The following PIEZO1 variants were observed in gnomAD, a reference collection of about 807,000 sequenced individuals.
PIEZO1 encodes the protein piezo-type mechanosensitive ion channel component 1.
In PIEZO1, 296 loss-of-function variants were observed where a neutral mutation model predicts 297.2. That is an observed-to-expected ratio of 1.00 (90% CI 0.91 to 1.10). PIEZO1 has a LOEUF of 1.10. PIEZO1 is among the 50% of genes least tolerant of loss of function. PIEZO1 has a pLI of 0.00. For missense variants in PIEZO1, 5,018 were observed against 3,455.5 expected, an observed-to-expected ratio of 1.45 and a Z score of -11.34; for synonymous variants, 2,427 against 1,507.5, an observed-to-expected ratio of 1.61 and a Z score of -14.13.
At chr16:88,781,313 C>A (rs1907926037) in intron 1 of PIEZO1, among the ~76,000 whole-genome samples, 1 of 152,242 alleles carries the variant, frequency 6.6e-6, no homozygotes, top group African/African-American at 2.4e-5. Context: ...CTCTGTGGGA[C>A]CCTGGCAGCT....
intron 1 of PIEZO1, among the ~76,000 whole-genome samples, chr16:88,776,710 A>C (rs960549002): frequency 6.6e-6 from 1 of 152,220 alleles, no homozygotes; most frequent in Non-Finnish European, 1.5e-5. Flanking sequence ...GAGTGACCGC[A>C]GAAGGGCCAG....
chr16:88,778,531 G>A (rs1015422511), intron 1 of PIEZO1, among the ~76,000 whole-genome samples: 1 of 152,188 alleles, frequency 6.6e-6, no homozygotes, highest in Non-Finnish European at 1.5e-5. Flanking sequence ...AGGTTCCTGA[G>A]ACAACGGCGG....
intron 1 of PIEZO1, among the ~76,000 whole-genome samples, chr16:88,770,723 A>C (rs1907386043): frequency 6.6e-6 from 1 of 152,160 alleles, no homozygotes; most frequent in African/African-American, 2.4e-5. Context: ...AGCCGCACCA[A>C]GTCACCCTGA....
Position 88,737,712 on chromosome 16 carries a change from C to T in PIEZO1, c.1107+16G>A. On this transcript the variant is annotated intron_variant, in intron 9 of 50. Coordinates refer to ENST00000301015, the MANE Select transcript of PIEZO1 (RefSeq NM_001142864.4). ...GCGCCCCCCACGCTGGCGTCTCCAC[C>T]TGCCTGGCTGCTCACCTGGTCAGAC... 3.9e-6 allele frequency: 6 copies of T among 1,535,200 alleles called. 1 individual carries two copies. The South Asian group carries it at 4.8e-5, about 12-fold the overall frequency.
intron 8 of PIEZO1, 59 bp from the exon 9 acceptor site, chr16:88,737,873 G>A (rs1274750154): frequency 1.5e-5 from 23 of 1,532,384 alleles, no homozygotes; most frequent in Non-Finnish European, 2.0e-5. Flanking sequence ...GAGGCAGGAG[G>A]TCCTGAGACC....
At chr16:88,749,028 G>A (rs541061418) in intron 2 of PIEZO1, among the ~76,000 whole-genome samples, 23 of 151,070 alleles carry the variant, frequency 1.5e-4, no homozygotes, top group African/African-American at 5.1e-4. Context: ...ACAAGGTCAG[G>A]AGATCGAGAC....
Position 88,738,572 on chromosome 16 carries a change from C to A in PIEZO1, c.630G>T (p.Leu210=). ...GCCCCCTGCCTCGGTGCGTACCTGC[C>A]AGTGCAAGCAGTGTTACGGCCAGGA... The part of the protein sequence containing the change: ...GRVLAVTLLA[L]AGIAHPSALS... Residue 210 remains leucine, a synonymous_variant, in exon 6 of 51, where the codon CTG becomes CTT. Transcript: ENST00000301015. The A allele has an allele frequency of 6.5e-7, 1 of 1,535,108 alleles. No homozygotes were observed. Among genetic ancestry groups the A allele is most frequent in the South Asian group, 1.2e-5 (1 of 83,994 alleles).
chr16:88,756,993 G>A (rs901857120), intron 1 of PIEZO1, among the ~76,000 whole-genome samples: 36 of 151,252 alleles, frequency 2.4e-4, no homozygotes, highest in South Asian at 8.4e-4. Context: ...GGAGAATGGC[G>A]TGAACCCAGG....
Position 88,719,884 on chromosome 16 carries a change from T to C in PIEZO1, c.6241A>G (p.Ile2081Val), listed in dbSNP as rs1912305713. ...CIYFALSAYQ[I>V]RCGYPTRILG... ...ATGCGGGTGGGGTAGCCGCAGCGGA[T>C]CTGGTAGGCGGACAGGGCGAAGTAG... Residue 2081 changes from isoleucine (I) to valine (V), a missense_variant, in exon 43 of 51, where the codon ATC (isoleucine) becomes GTC (valine). Transcript: ENST00000301015. 1 of 1,550,398 alleles carries C rather than the reference T, an allele frequency of 6.4e-7. No homozygotes were observed. Among genetic ancestry groups the C allele is most frequent in the Non-Finnish European group, 8.7e-7 (1 of 1,146,948 alleles).
chr16:88,733,635 C>G lies in PIEZO1; in HGVS notation c.2440G>C (p.Val814Leu). The G allele has an allele frequency of 1.9e-6, 3 of 1,549,632 alleles. No homozygotes were observed. The highest frequency in any genetic ancestry group is 1.2e-5 in the South Asian group (1 of 84,002). ...GTGTACAGGGCCACCAGCTTGAAAA[C>G]GTGAAGCTCCAGCAGCCGCCGCAGG... ...VFLRRLLELH[V>L]FKLVALYTVW... Residue 814 changes from valine (V) to leucine (L), a missense_variant, in exon 18 of 51, where the codon GTT (valine) becomes CTT (leucine). By Grantham distance (32) the Val-to-Leu change is conservative. Transcript: ENST00000301015.
rs1255524278 is a variant in PIEZO1, at chr16:88,725,884, G to T, written c.3969-200C>A. 1.0e-5 allele frequency: 6 copies of T among 588,082 alleles called. No homozygotes were observed. The Admixed American group carries it at 1.6e-4, about 15-fold the overall frequency. The allele number at this position is 588,082 out of a possible 1,614,324, so 36.4% of individuals were successfully genotyped here. A position where few individuals can be genotyped will look rare whatever the true frequency, so the allele number is the denominator to read the frequency against. On this transcript the variant is annotated intron_variant, in intron 27 of 50. Transcript: ENST00000301015. ...CGAGGACAGGCCCTTCTGCCGTACA[G>T]ATGCAGGGGCGTCTGGTGGCACCCA...
At chr16:88,772,639 C>A (rs771556114) in intron 1 of PIEZO1, among the ~76,000 whole-genome samples, 6 of 152,104 alleles carry the variant, frequency 3.9e-5, no homozygotes, top group Non-Finnish European at 8.8e-5. Context: ...ATGAGCCGGG[C>A]GTGATGGTGG....
In PIEZO1 at chr16:88,726,867, T is replaced by A. The variant is rs769112125; in HGVS notation, c.3547A>T (p.Ser1183Cys). The A allele has an allele frequency of 6.5e-7, 1 of 1,550,372 alleles. No homozygotes were observed. Among genetic ancestry groups the A allele is most frequent in the Admixed American group, 2.0e-5 (1 of 51,010 alleles). The change falls in exon 25 of 51, where the codon AGC (serine) becomes TGC (cysteine). Residue 1183 changes from serine to cysteine, a missense_variant. Transcript: ENST00000301015. ...AGCAGGTAGCCCAGCCCGAAGATGCTGATGCGGGTGGCCCCCGTGACAAAC... is the reference window on the plus strand; with the variant it reads ...AGCAGGTAGCCCAGCCCGAAGATGCAGATGCGGGTGGCCCCCGTGACAAAC... ...VVFVTGATRISIFGLGYLLAC... is the reference protein window; with the variant it reads ...VVFVTGATRICIFGLGYLLAC...
chr16:88,737,365 G>A (rs904978828), intron 10 of PIEZO1, 194 bp downstream of exon 10: 23 of 559,080 alleles, frequency 4.1e-5, no homozygotes, highest in South Asian at 4.0e-4. Context: ...GTTGGTCAGT[G>A]ACATGGCCAC....
chr16:88,755,032 A>T (rs1444947786), intron 1 of PIEZO1, among the ~76,000 whole-genome samples: 1 of 152,200 alleles, frequency 6.6e-6, no homozygotes, highest in Non-Finnish European at 1.5e-5. Flanking sequence ...GGGTGGACAC[A>T]CCTGCGGCCA....
chr16:88,773,452 G>T (rs1330593300), intron 1 of PIEZO1, among the ~76,000 whole-genome samples: 2 of 152,262 alleles, frequency 1.3e-5, no homozygotes, highest in African/African-American at 4.8e-5. Context: ...GCGCAGCACA[G>T]ACTGCCTCCA....
chr16:88,716,796 G>A lies in PIEZO1; in HGVS notation c.6753+10C>T, dbSNP rs1206563196. The A allele has an allele frequency of 1.3e-6, 2 of 1,549,730 alleles. No individual in the cohort carries two copies. The highest frequency in any genetic ancestry group is 2.4e-5 in the East Asian group (1 of 40,938). On this transcript the variant is annotated intron_variant, in intron 46 of 50. Coordinates refer to ENST00000301015, the MANE Select transcript of PIEZO1 (RefSeq NM_001142864.4). ...CCCACACCAGCTTTCACAGGGCAGA[G>A]GCCACTTACCGGCTGGGGGTCAAAC...
Position 88,719,925 on chromosome 16 carries a change from T to C in PIEZO1, c.6200A>G (p.Tyr2067Cys). 2 of 1,550,346 alleles carry C rather than the reference T, an allele frequency of 1.3e-6. No individual in the cohort carries two copies. The highest frequency in any genetic ancestry group is 1.7e-6 in the Non-Finnish European group (2 of 1,146,940). ...FNQNVVAQLW[Y>C]FVKCIYFALS... ...GGCGAAGTAGATGCACTTCACGAAG[T>C]ACCAGAGCTGGGCCACCACATTCTG... Residue 2067 changes from tyrosine to cysteine, a missense_variant, in exon 43 of 51, where the codon TAC becomes TGC. Coordinates refer to ENST00000301015, the MANE Select transcript of PIEZO1 (RefSeq NM_001142864.4).
intron 36 of PIEZO1, 54 bp downstream of exon 36, chr16:88,722,164 G>T: frequency 6.6e-7 from 1 of 1,526,346 alleles, no homozygotes; most frequent in South Asian, 1.2e-5. Context: ...GCCCCTGTTC[G>T]GCTGCTCCCC....
Sources: allele counts gnomAD v4.1 joint callset (sites outside exome capture counted in the v4.1 genomes callset), GRCh38; gene constraint gnomAD v4.1.1; transcripts MANE v1.5; gene names NCBI Gene and HGNC (gene_info 2026-07-23, HGNC 2026-07-21).